C8orf34: variants seen among roughly 807,000 people sequenced by gnomAD.
The protein encoded by C8orf34 is uncharacterized protein C8orf34.
C8orf34 carries 65 observed loss-of-function variants against 68.3 expected under a neutral mutation model. The observed-to-expected ratio is 0.95, with a 90% confidence interval of 0.78 to 1.17. The LOEUF (loss-of-function observed/expected upper bound fraction) is 1.17. Ranked by LOEUF, C8orf34 falls within the 50% of genes most tolerant of loss-of-function variation. The pLI, the probability that C8orf34 is intolerant of heterozygous loss-of-function variation, is 0.00. For missense variants in C8orf34, 664 were observed against 655.4 expected (o/e 1.01, Z -0.14); for synonymous variants, 244 against 241.2 (o/e 1.01, Z -0.11).
chr8:68,546,439 A>G (rs1187256907), intron 7 of C8orf34, among the ~76,000 whole-genome samples: 3 of 151,956 alleles, frequency 2.0e-5, no homozygotes, highest in African/African-American at 7.2e-5. Flanking sequence ...ATAGGAAGAC[A>G]AAACAATTCT....
At position 68,695,305 on chromosome 8, in the gene C8orf34, G is replaced by C. The variant is rs958928572; in HGVS notation, c.1242-13689G>C. 2.0e-5 allele frequency among the ~76,000 whole-genome samples: 3 copies of C among 151,816 alleles called. No individual in the cohort carries two copies. In the South Asian group the frequency reaches 6.2e-4, roughly 32 times the overall value. ...TGGGATTACAGGAACCCGCCACCAC[G>C]TCTGGCTAAATTTTTGTATTTTTAG... On this transcript the variant is annotated intron_variant, in intron 8 of 13. Coordinates refer to ENST00000518698, the MANE Select transcript of C8orf34 (RefSeq NM_052958.4).
At chr8:68,739,190 C>G (rs911186450) in intron 10 of C8orf34, among the ~76,000 whole-genome samples, 2 of 152,010 alleles carry the variant, frequency 1.3e-5, no homozygotes, top group Non-Finnish European at 2.9e-5. Context: ...AAACAAGAAA[C>G]TACATGATTA....
intron 8 of C8orf34, 62 bp from the exon 9 acceptor site, chr8:68,708,932 A>G (rs963569665): frequency 6.8e-6 from 8 of 1,175,108 alleles, no homozygotes; most frequent in Admixed American, 1.9e-5. Flanking sequence ...CCCATGGTGC[A>G]TAGTTCACAT....
intron 4 of C8orf34, 31 bp from the exon 5 acceptor site, chr8:68,487,992 C>A (rs1554562566): frequency 6.5e-7 from 1 of 1,536,292 alleles, no homozygotes; most frequent in Admixed American, 1.9e-5. Flanking sequence ...GCTTCTAAAA[C>A]TTTTTTTTAT....
intron 1 of C8orf34, among the ~76,000 whole-genome samples, chr8:68,377,816 C>A (rs1247076833): frequency 2.0e-5 from 3 of 152,088 alleles, no homozygotes. Flanking sequence ...TTAATTGACT[C>A]AGTTCAGCAT....
intron 1 of C8orf34, among the ~76,000 whole-genome samples, chr8:68,437,755 T>C (rs917648689): frequency 6.6e-6 from 1 of 152,190 alleles, no homozygotes; most frequent in African/African-American, 2.4e-5. Flanking sequence ...GTCTAATAAA[T>C]ATCTTGCATC....
intron 1 of C8orf34, among the ~76,000 whole-genome samples, chr8:68,342,430 A>G (rs1219564820): frequency 6.6e-6 from 1 of 152,180 alleles, no homozygotes; most frequent in African/African-American, 2.4e-5. Context: ...ATATTTTCAA[A>G]GCACACATCT....
At chr8:68,627,241 T>C (rs1168077619) in intron 7 of C8orf34, among the ~76,000 whole-genome samples, 2 of 152,136 alleles carry the variant, frequency 1.3e-5, no homozygotes, top group African/African-American at 4.8e-5. Flanking sequence ...TTTCCAGTTG[T>C]ATTCCTGAAC....
chr8:68,553,562 T>C (rs1816155416), intron 7 of C8orf34, among the ~76,000 whole-genome samples: 1 of 152,086 alleles, frequency 6.6e-6, no homozygotes, highest in African/African-American at 2.4e-5. Flanking sequence ...TCAGATTTTA[T>C]ATTTTTTAAT....
chr8:68,591,636 C>T (rs1817390747), intron 7 of C8orf34, among the ~76,000 whole-genome samples: 3 of 152,170 alleles, frequency 2.0e-5, no homozygotes, highest in Admixed American at 6.5e-5. Flanking sequence ...AACTCTATCT[C>T]GTTCGACGTT....
chr8:68,726,038 G>T (rs1182707560), intron 10 of C8orf34, among the ~76,000 whole-genome samples: 1 of 151,958 alleles, frequency 6.6e-6, no homozygotes, highest in Admixed American at 6.6e-5. Flanking sequence ...GCTCCCTAGT[G>T]TCTGGGATTA....
chr8:68,579,834 C>T (rs1158124933), intron 7 of C8orf34, among the ~76,000 whole-genome samples: 1 of 152,128 alleles, frequency 6.6e-6, no homozygotes, highest in East Asian at 1.9e-4. Context: ...TTTTAACAGT[C>T]ATCGTTAAAT....
chr8:68,588,487 G>A (rs949399853), intron 7 of C8orf34, among the ~76,000 whole-genome samples: 7 of 152,086 alleles, frequency 4.6e-5, no homozygotes, highest in Admixed American at 3.9e-4. Context: ...ACTATTTAAT[G>A]TCATGGAGAT....
At chr8:68,676,613 T>A (rs1563602683) in intron 8 of C8orf34, among the ~76,000 whole-genome samples, 1 of 152,172 alleles carries the variant, frequency 6.6e-6, no homozygotes, top group Non-Finnish European at 1.5e-5. Flanking sequence ...AAGACATATG[T>A]TAGGCCAAAT....
At chr8:68,661,396 T>TA (rs1317551275) in intron 8 of C8orf34, among the ~76,000 whole-genome samples, 7 of 152,222 alleles carry the variant, frequency 4.6e-5, no homozygotes, top group Non-Finnish European at 1.0e-4. Flanking sequence ...ACCAAAATGA[T>TA]ACAAGATTTT....
At chr8:68,384,462 A>G (rs566944812) in intron 1 of C8orf34, among the ~76,000 whole-genome samples, 7 of 152,328 alleles carry the variant, frequency 4.6e-5, no homozygotes, top group Non-Finnish European at 8.8e-5. Context: ...TTGCCAAGAT[A>G]TTGCTTTACT....
intron 3 of C8orf34, among the ~76,000 whole-genome samples, chr8:68,455,968 G>A (rs189004246): frequency 1.3e-3 from 201 of 151,884 alleles, no homozygotes; most frequent in African/African-American, 4.2e-3. Flanking sequence ...CTGTCTAGCC[G>A]GGCGTGGTGG....
rs71253080 is a variant in C8orf34, at chr8:68,343,593, A to ATTT, written c.327+12270_327+12272dup. Among the ~76,000 whole-genome samples the ATTT allele has an allele frequency of 7.7e-3, 1,057 of 137,284 alleles. 28 individuals are homozygous for ATTT. The East Asian group carries it at 0.087, about 11-fold the overall frequency. 90.1% of individuals were successfully genotyped at this position (137,284 alleles called of 152,430 possible). On this transcript the variant is annotated intron_variant, in intron 1 of 13. Transcript: ENST00000518698. Reference sequence around the variant, plus strand: ...GCAGATGATGCTGTATGCCTAGCTAATTTTTTTTTTTTTTTTTTAAGACAG... The same window carrying ATTT: ...GCAGATGATGCTGTATGCCTAGCTAATTTTTTTTTTTTTTTTTTTTTAAGACAG...
intron 1 of C8orf34, among the ~76,000 whole-genome samples, chr8:68,372,349 G>A (rs1470177102): frequency 6.6e-6 from 1 of 152,128 alleles, no homozygotes; most frequent in Non-Finnish European, 1.5e-5. Context: ...GGGAAACACA[G>A]GAAAGAAACT....
Sources: allele counts gnomAD v4.1 joint callset (sites outside exome capture counted in the v4.1 genomes callset), GRCh38; gene constraint gnomAD v4.1.1; transcripts MANE v1.5; gene names NCBI Gene and HGNC (gene_info 2026-07-23, HGNC 2026-07-21).